The following MAPK12 variants were observed in gnomAD, a reference collection of about 807,000 sequenced individuals.
MAPK12 encodes MAP kinase 12.
A neutral mutation model predicts 49.1 loss-of-function variants in MAPK12; 49 were observed. The ratio of observed to expected loss-of-function variants is 1.00; its 90% CI spans 0.79 to 1.27. The LOEUF is 1.27. MAPK12 is among the 50% of genes most tolerant of loss of function. MAPK12 has a pLI of 0.00. For missense variants in MAPK12, 554 were observed against 502.4 expected (o/e 1.10, Z -0.98); for synonymous variants, 251 against 209.7 (o/e 1.20, Z -1.70).
intron 2 of MAPK12, among the ~76,000 whole-genome samples, chr22:50,258,751 A>G (rs1242513841): frequency 6.6e-6 from 1 of 152,246 alleles, no homozygotes; most frequent in Non-Finnish European, 1.5e-5. Flanking sequence ...TGGTCCCCTC[A>G]GCACCCCTGG....
In MAPK12 at chr22:50,256,980, G is replaced by A. The variant is rs944346709; in HGVS notation, c.427-16C>T. ...CGTGGATATACTGCGGGGGGCAGAG[G>A]ATTTGGCAGGCTTCAGCGCACCCTC... On this transcript the variant is annotated splice_polypyrimidine_tract_variant and intron_variant, in intron 4 of 11. Coordinates refer to ENST00000215659, the MANE Select transcript of MAPK12 (RefSeq NM_002969.6). 6.2e-6 allele frequency: 10 copies of A among 1,606,428 alleles called. No homozygotes were observed. The highest frequency in any genetic ancestry group is 2.7e-5 in the African/African-American group (2 of 74,848).
chr22:50,256,712 G>A, intron 5 of MAPK12, 66 bp from the exon 6 acceptor site: 2 of 1,553,516 alleles, frequency 1.3e-6, no homozygotes, highest in South Asian at 2.4e-5. Context: ...CCAAGAGCCT[G>A]GGTGGCACCT....
intron 6 of MAPK12, 63 bp from the exon 7 acceptor site, chr22:50,256,262 G>A (rs1027800151): frequency 2.2e-5 from 28 of 1,285,586 alleles, no homozygotes; most frequent in Admixed American, 1.2e-4. Context: ...GGCCACCCAC[G>A]GTCCAGGAGA....
chr22:50,259,224 G>A (rs2065183996), intron 2 of MAPK12, among the ~76,000 whole-genome samples: 1 of 152,224 alleles, frequency 6.6e-6, no homozygotes, highest in Non-Finnish European at 1.5e-5. Context: ...AATGTGGAGG[G>A]AGGAGGAGAG....
At chr22:50,257,012 C>T in intron 4 of MAPK12, 48 bp from the exon 5 acceptor site, 2 of 1,603,568 alleles carry the variant, frequency 1.2e-6, no homozygotes, top group Non-Finnish European at 1.7e-6. Context: ...CCTCTCAGAG[C>T]CACAGGGCCC....
chr22:50,255,256 T>C lies in MAPK12; in HGVS notation c.965A>G (p.Gln322Arg), dbSNP rs2065136979. Residue 322 changes from glutamine to arginine, a missense_variant, in exon 11 of 12, where the codon CAG becomes CGG. Gln to Arg is a conservative substitution (Grantham distance 43). Transcript: ENST00000215659. ...AAAGGAGTCATCATACTTCTGGACC[T>C]GGGGCTCATCTTCCGTGTCGTGCAG... Reference protein sequence around the residue: ...ESLHDTEDEPQVQKYDDSFDD... With the variant: ...ESLHDTEDEPRVQKYDDSFDD... 4 of 1,613,486 alleles carry C rather than the reference T, an allele frequency of 2.5e-6. No individual in the cohort carries two copies. Among genetic ancestry groups the C allele is most frequent in the Non-Finnish European group, 1.7e-6 (2 of 1,180,008 alleles).
chr22:50,254,725 C>T, intron 11 of MAPK12: 2 of 1,071,710 alleles, frequency 1.9e-6, no homozygotes, highest in Non-Finnish European at 2.3e-6. Flanking sequence ...TAGGGACAAG[C>T]GGACGTGGTG....
chr22:50,260,137 G>A (rs2065195706), intron 2 of MAPK12, among the ~76,000 whole-genome samples: 1 of 152,030 alleles, frequency 6.6e-6, no homozygotes, highest in Non-Finnish European at 1.5e-5. Context: ...CCAGGGTAGT[G>A]AGCTGGGGGT....
chr22:50,255,964 G>T, intron 7 of MAPK12, 83 bp from the exon 8 acceptor site: 2 of 1,505,800 alleles, frequency 1.3e-6, no homozygotes, highest in Non-Finnish European at 1.8e-6. Context: ...CAGCCCACCT[G>T]CCCGGCTCCC....
chr22:50,258,759 T>G (rs1288338197), intron 2 of MAPK12, among the ~76,000 whole-genome samples: 1 of 152,078 alleles, frequency 6.6e-6, no homozygotes, highest in Non-Finnish European at 1.5e-5. Context: ...TCAGCACCCC[T>G]GGTTGGGGAG....
In MAPK12 at chr22:50,255,681, C is replaced by T. The variant is rs1255527292; in HGVS notation, c.705G>A (p.Leu235=). 1.2e-6 allele frequency: 2 copies of T among 1,602,204 alleles called. No individual in the cohort carries two copies. Among genetic ancestry groups the T allele is most frequent in the South Asian group, 1.1e-5 (1 of 90,934 alleles). The change falls in exon 9 of 12, where the codon CTG becomes CTA. Residue 235 remains leucine, a synonymous_variant. Transcript: ENST00000215659. ...TCCCCGTCACCTTCATGATCTCCTT[C>T]AGCTGGTCCAGGTCTGCACCGAGGT... is the stretch of plus-strand genomic sequence containing the variant. The part of the protein sequence containing the change: ...LFKGSDHLDQ[L]KEIMKVTGTP...
intron 3 of MAPK12, 55 bp downstream of exon 3, chr22:50,258,188 C>G: frequency 6.4e-7 from 1 of 1,559,940 alleles, no homozygotes; most frequent in Non-Finnish European, 8.8e-7. Context: ...GAAGCCAGTG[C>G]CCAGAGCTGC....
At chr22:50,256,835 C>T in intron 5 of MAPK12, 100 bp downstream of exon 5, 2 of 1,540,764 alleles carry the variant, frequency 1.3e-6, no homozygotes, top group Admixed American at 2.0e-5. Context: ...TAGGGCGTGG[C>T]TCAGCACCCA....
chr22:50,258,441 G>A, intron 2 of MAPK12, 140 bp from the exon 3 acceptor site: 1 of 754,186 alleles, frequency 1.3e-6, no homozygotes, highest in Non-Finnish European at 2.3e-6. Flanking sequence ...GCCTGGCTCT[G>A]CCCACTGGCA....
intron 11 of MAPK12, chr22:50,254,803 A>C (rs2147254653): frequency 8.7e-7 from 1 of 1,150,434 alleles, no homozygotes; most frequent in Admixed American, 4.1e-5. Context: ...GGGGGCCAGG[A>C]GGGGCTAAGT....
intron 11 of MAPK12, 22 bp from the exon 12 acceptor site, chr22:50,253,502 G>GGGGGAGGGA: frequency 5.8e-6 from 1 of 171,686 alleles, no homozygotes; most frequent in South Asian, 4.5e-5. Context: ...GGGGGGGCGG[G>GGGGGAGGGA]CACAACAGAG....
In MAPK12 at chr22:50,256,215, G is replaced by C. The variant is rs1294332872; in HGVS notation, c.505-16C>G. The stretch of plus-strand genomic sequence containing the variant: ...AGTCCAGGATCTGTGGGAAGAATTG[G>C]GGAGGTGGGTTCTAGGGGACTCCCA... On this transcript the variant is annotated splice_polypyrimidine_tract_variant and intron_variant, in intron 6 of 11. Coordinates refer to ENST00000215659, the MANE Select transcript of MAPK12 (RefSeq NM_002969.6). 6.3e-7 allele frequency: 1 copy of C among 1,597,268 alleles called. No individual in the cohort carries two copies. The highest frequency in any genetic ancestry group is 1.7e-5 in the Admixed American group (1 of 59,866).
At chr22:50,256,230 G>A (rs770218725) in intron 6 of MAPK12, 31 bp from the exon 7 acceptor site, 2 of 1,559,916 alleles carry the variant, frequency 1.3e-6, no homozygotes, top group East Asian at 2.2e-5. Flanking sequence ...GTGGGTTCTA[G>A]GGGACTCCCA....
rs1486432017 is a variant in MAPK12 at position 50,255,454 on chromosome 22, C to T, written c.849G>A (p.Leu283=). Residue 283 remains leucine (L), a splice_region_variant and synonymous_variant, in exon 10 of 12, where the codon CTG becomes CTA. Coordinates refer to ENST00000215659, the MANE Select transcript of MAPK12 (RefSeq NM_002969.6). ...FASILTNASP[L]AVNLLEKMLV... ...GGCCCCCACACTAGCCAGCCGTACC[C>T]AGAGGGCTTGCATTGGTCAGGATAG... is the stretch of plus-strand genomic sequence containing the variant. 1 of 1,613,142 alleles carries T rather than the reference C, an allele frequency of 6.2e-7. No individual in the cohort carries two copies. Among genetic ancestry groups the T allele is most frequent in the South Asian group, 1.1e-5 (1 of 91,090 alleles).
Sources: allele counts gnomAD v4.1 joint callset (sites outside exome capture counted in the v4.1 genomes callset), GRCh38; gene constraint gnomAD v4.1.1; transcripts MANE v1.5; gene names NCBI Gene and HGNC (gene_info 2026-07-23, HGNC 2026-07-21).